MACROD2: variants seen among roughly 807,000 people sequenced by gnomAD.
MACROD2 encodes ADP-ribose glycohydrolase MACROD2.
MACROD2 carries 36 observed loss-of-function variants against 70.4 expected under a neutral mutation model. The ratio of observed to expected loss-of-function variants is 0.51; its 90% CI spans 0.39 to 0.68. MACROD2 has a LOEUF of 0.68. Ranked by LOEUF, MACROD2 falls within the 30% of genes least tolerant of loss-of-function variation. The probability of loss-of-function intolerance (pLI) is 0.00; values close to 1 mark genes in which losing one functional copy is unlikely to be tolerated. For synonymous variants in MACROD2, 172 were observed against 178.8 expected, an observed-to-expected ratio of 0.96 and a Z score of 0.30; for missense variants, 496 against 538.4, an observed-to-expected ratio of 0.92 and a Z score of 0.78.
chr20:14,716,906 G>A (rs1242302214), intron 5 of MACROD2, among the ~76,000 whole-genome samples: 1 of 152,088 alleles, frequency 6.6e-6, no homozygotes, highest in African/African-American at 2.4e-5. Context: ...TTTTAGAGAT[G>A]CAGGTGAAGC....
intron 3 of MACROD2, among the ~76,000 whole-genome samples, chr20:14,332,544 T>A (rs539105037): frequency 6.6e-6 from 1 of 152,284 alleles, no homozygotes; most frequent in South Asian, 2.1e-4. Context: ...TGATTTTGAT[T>A]TGACCTGTTT....
chr20:15,945,034 C>T (rs907609189), intron 12 of MACROD2, among the ~76,000 whole-genome samples: 4 of 152,134 alleles, frequency 2.6e-5, no homozygotes, highest in Admixed American at 2.6e-4. Context: ...CAACCCTACC[C>T]TGACTAAGCT....
chr20:14,792,875 G>A (rs989832329), intron 5 of MACROD2, among the ~76,000 whole-genome samples: 2 of 152,118 alleles, frequency 1.3e-5, no homozygotes, highest in African/African-American at 4.8e-5. Flanking sequence ...TACTTTTGCA[G>A]TGGAAATGTT....
chr20:14,987,848 GAT>G (rs113022657), intron 5 of MACROD2, among the ~76,000 whole-genome samples: 5 of 150,702 alleles, frequency 3.3e-5, no homozygotes, highest in African/African-American at 9.8e-5. Context: ...CAGGACTTAA[GAT>G]ATATATATAT....
intron 2 of MACROD2, among the ~76,000 whole-genome samples, chr20:14,029,424 C>G (rs1223640096): frequency 6.6e-6 from 1 of 152,052 alleles, no homozygotes; most frequent in African/African-American, 2.4e-5. Context: ...AGTCAAAATA[C>G]TTTTTATTGA....
chr20:14,311,425 TG>T, intron 3 of MACROD2, among the ~76,000 whole-genome samples: 1 of 152,302 alleles, frequency 6.6e-6, no homozygotes, highest in African/African-American at 2.4e-5. Context: ...CTTGTGTAAG[TG>T]CACTCTCTGG....
At chr20:15,581,719 C>G (rs911092307) in intron 8 of MACROD2, among the ~76,000 whole-genome samples, 2 of 152,182 alleles carry the variant, frequency 1.3e-5, no homozygotes, top group African/African-American at 4.8e-5. Flanking sequence ...CAGGAGGGGC[C>G]TGTGGAGCTG....
intron 4 of MACROD2, among the ~76,000 whole-genome samples, chr20:14,624,225 A>G (rs1405416061): frequency 1.3e-5 from 2 of 152,172 alleles, no homozygotes; most frequent in African/African-American, 4.8e-5. Flanking sequence ...AGCCTCTCCA[A>G]AGTAAAGGAG....
intron 5 of MACROD2, among the ~76,000 whole-genome samples, chr20:14,787,599 A>C (rs2123795538): frequency 6.6e-6 from 1 of 152,232 alleles, no homozygotes; most frequent in South Asian, 2.1e-4. Flanking sequence ...AGGAGATTTA[A>C]GTAGTAACTG....
chr20:14,342,874 T>A (rs1462988896), intron 3 of MACROD2, among the ~76,000 whole-genome samples: 1 of 152,104 alleles, frequency 6.6e-6, no homozygotes, highest in Non-Finnish European at 1.5e-5. Context: ...TTTCCCTGCC[T>A]GCCTGCCTGC....
At position 15,348,604 on chromosome 20, in the gene MACROD2, A is replaced by C. The variant is rs553256851; in HGVS notation, c.541-82801A>C. Among the ~76,000 whole-genome samples the C allele has an allele frequency of 2.0e-4, 30 of 152,320 alleles. No homozygotes were observed. In the East Asian group the frequency reaches 4.0e-3, roughly 21 times the overall value. ...AGGTTTAATTGACTCACAGTTCCAC[A>C]TGGCTGGGGAGGCCTCACAATCATG... On this transcript the variant is annotated intron_variant, in intron 6 of 17. Coordinates refer to ENST00000684519, the MANE Select transcript of MACROD2 (RefSeq NM_001351661.2).
At chr20:14,588,567 C>T (rs1250265167) in intron 4 of MACROD2, among the ~76,000 whole-genome samples, 6 of 152,036 alleles carry the variant, frequency 3.9e-5, no homozygotes, top group Admixed American at 1.3e-4. Flanking sequence ...AGTGCAGTGG[C>T]GTGCGATCTC....
chr20:15,509,297 CCTT>C (rs1568857344), intron 8 of MACROD2, among the ~76,000 whole-genome samples: 1 of 152,118 alleles, frequency 6.6e-6, no homozygotes, highest in South Asian at 2.1e-4. Flanking sequence ...GTATTTTTCT[CCTT>C]CTTTCCTGCA....
At chr20:15,424,430 GAGTGGGGCCAAGCAC>G (rs1459652637) in intron 6 of MACROD2, among the ~76,000 whole-genome samples, 1 of 152,162 alleles carries the variant, frequency 6.6e-6, no homozygotes, top group Non-Finnish European at 1.5e-5. Flanking sequence ...GTAGAGAAAA[GAGTGGGGCCAAGCAC>G]AGTGGCTCAT....
intron 5 of MACROD2, among the ~76,000 whole-genome samples, chr20:15,004,288 A>G (rs2075018736): frequency 6.6e-6 from 1 of 152,206 alleles, no homozygotes; most frequent in Non-Finnish European, 1.5e-5. Flanking sequence ...AATTGTATAA[A>G]TATATCCCCT....
At chr20:14,349,938 G>A (rs1383255328) in intron 3 of MACROD2, among the ~76,000 whole-genome samples, 3 of 150,696 alleles carry the variant, frequency 2.0e-5, no homozygotes, top group African/African-American at 7.3e-5. Flanking sequence ...TAGTAGAGAC[G>A]GGGTTTCACC....
intron 5 of MACROD2, among the ~76,000 whole-genome samples, chr20:15,215,252 T>TTGTGTGTGTGTGTGTGTGTG (rs376439581): frequency 1.5e-5 from 2 of 135,474 alleles, no homozygotes; most frequent in Non-Finnish European, 3.1e-5. Context: ...CTCCTGTATT[T>TTGTGTGTGTGTGTGTGTGTG]TGTGTGTGTG....
intron 8 of MACROD2, among the ~76,000 whole-genome samples, chr20:15,569,982 T>C (rs117134074): frequency 0.01 from 1,533 of 152,334 alleles, 24 homozygotes; most frequent in South Asian, 0.063. Context: ...ATATTAATTT[T>C]ATTTCCTTTG....
intron 8 of MACROD2, among the ~76,000 whole-genome samples, chr20:15,636,634 G>T (rs1489758868): frequency 6.6e-6 from 1 of 152,118 alleles, no homozygotes; most frequent in Admixed American, 6.5e-5. Flanking sequence ...GGTTTTTCAG[G>T]ATTTCGTGGC....
Sources: allele counts gnomAD v4.1 joint callset (sites outside exome capture counted in the v4.1 genomes callset), GRCh38; gene constraint gnomAD v4.1.1; transcripts MANE v1.5; gene names NCBI Gene and HGNC (gene_info 2026-07-23, HGNC 2026-07-21).